UGGT2: variants seen among roughly 807,000 people sequenced by gnomAD.
The protein encoded by UGGT2 is UDP-glucose glycoprotein glucosyltransferase 2.
UGGT2 carries 180 observed loss-of-function variants against 192.1 expected under a neutral mutation model. The observed-to-expected ratio is 0.94, with a 90% confidence interval of 0.83 to 1.06. UGGT2 has a LOEUF of 1.06. UGGT2 is among the 50% of genes least tolerant of loss of function. UGGT2 has a pLI of 0.00. For synonymous variants in UGGT2, 580 were observed against 591.0 expected, an observed-to-expected ratio of 0.98 and a Z score of 0.27; for missense variants, 1,849 against 1,795.7, an observed-to-expected ratio of 1.03 and a Z score of -0.54.
At chr13:95,918,799 T>TTTC (rs2048756997) in intron 20 of UGGT2, among the ~76,000 whole-genome samples, 1 of 152,100 alleles carries the variant, frequency 6.6e-6, no homozygotes, top group East Asian at 1.9e-4. Flanking sequence ...AGAGGTACAA[T>TTTC]GAAGAGCTGG....
At chr13:96,025,662 C>G (rs968261637) in intron 2 of UGGT2, among the ~76,000 whole-genome samples, 1 of 152,060 alleles carries the variant, frequency 6.6e-6, no homozygotes, top group Non-Finnish European at 1.5e-5. Flanking sequence ...CCATCTGATT[C>G]CTGAAACTGT....
intron 12 of UGGT2, among the ~76,000 whole-genome samples, chr13:95,967,131 G>C (rs977200195): frequency 1.3e-5 from 2 of 149,124 alleles, no homozygotes; most frequent in South Asian, 4.2e-4. Flanking sequence ...ACTATGTATC[G>C]TTATAAGGGC....
chr13:95,808,097 T>C (rs1037753410), intron 38 of UGGT2, among the ~76,000 whole-genome samples: 4 of 152,080 alleles, frequency 2.6e-5, no homozygotes, highest in Non-Finnish European at 4.4e-5. Context: ...CCAGAGAGCA[T>C]TGCCCAATAT....
chr13:95,802,542 C>T (rs1423750030), intron 38 of UGGT2, among the ~76,000 whole-genome samples: 2 of 152,104 alleles, frequency 1.3e-5, no homozygotes, highest in African/African-American at 4.8e-5. Flanking sequence ...CTTGTTGGGG[C>T]AAAGTTACCA....
intron 38 of UGGT2, among the ~76,000 whole-genome samples, chr13:95,815,493 A>T (rs559488843): frequency 6.6e-6 from 1 of 152,352 alleles, no homozygotes; most frequent in East Asian, 1.9e-4. Context: ...ATTAGCATTC[A>T]GTTATAAAAT....
At chr13:95,995,978 A>C (rs2051605263) in intron 7 of UGGT2, 85 bp downstream of exon 7, 3 of 1,142,888 alleles carry the variant, frequency 2.6e-6, no homozygotes, top group South Asian at 2.6e-5. Context: ...AGAAAGGTGA[A>C]GCATATGGCA....
At chr13:95,863,456 C>T (rs1470945296) in intron 31 of UGGT2, 173 bp downstream of exon 31, 1 of 563,554 alleles carries the variant, frequency 1.8e-6, no homozygotes, top group African/African-American at 1.9e-5. Context: ...TTTCATCTGT[C>T]TTATAGCTCT....
At chr13:96,002,149 T>C (rs1442913537) in intron 5 of UGGT2, among the ~76,000 whole-genome samples, 1 of 152,196 alleles carries the variant, frequency 6.6e-6, no homozygotes, top group Non-Finnish European at 1.5e-5. Context: ...ACTGTACTTG[T>C]ATCTCCCACT....
At chr13:96,004,244 G>T (rs2051899954) in intron 5 of UGGT2, among the ~76,000 whole-genome samples, 1 of 151,596 alleles carries the variant, frequency 6.6e-6, no homozygotes, top group Non-Finnish European at 1.5e-5. Flanking sequence ...CAGAAAAGTT[G>T]CACATATTTA....
At chr13:95,808,271 G>A (rs1041956849) in intron 38 of UGGT2, among the ~76,000 whole-genome samples, 4 of 152,136 alleles carry the variant, frequency 2.6e-5, no homozygotes, top group Non-Finnish European at 4.4e-5. Flanking sequence ...TTCAAGGCTT[G>A]GGGGTTAGCA....
intron 4 of UGGT2, 82 bp downstream of exon 4, chr13:96,022,957 AT>A (rs1335325738): frequency 5.9e-5 from 55 of 924,598 alleles, no homozygotes; most frequent in South Asian, 7.0e-5. Flanking sequence ...AGAATATTAA[AT>A]TTTTTTTATT....
intron 2 of UGGT2, among the ~76,000 whole-genome samples, chr13:96,031,153 G>A (rs779030949): frequency 6.6e-6 from 1 of 152,076 alleles, no homozygotes; most frequent in Non-Finnish European, 1.5e-5. Context: ...TAGGGGAAGG[G>A]GGAATATGGG....
At position 95,914,612 on chromosome 13, in the gene UGGT2, T is replaced by TAAAAAA. The variant is rs146990164; in HGVS notation, c.2295+11062_2295+11067dup. On this transcript the variant is annotated intron_variant, in intron 20 of 38. Coordinates refer to ENST00000376747, the MANE Select transcript of UGGT2 (RefSeq NM_020121.4). ...CATTATGGTGAAACTCCATCTCTACTAAAAAAAAAAAAAAAAAAAAAAAAA... is the reference window on the plus strand; with the variant it reads ...CATTATGGTGAAACTCCATCTCTACTAAAAAAAAAAAAAAAAAAAAAAAAAAAAAAA... 1.1e-3 allele frequency among the ~76,000 whole-genome samples: 87 copies of TAAAAAA among 80,984 alleles called. 4 individuals are homozygous for TAAAAAA. Among genetic ancestry groups the TAAAAAA allele is most frequent in the African/African-American group, 3.1e-3 (62 of 19,966 alleles). The allele number at this position is 80,984 out of a possible 152,430, so 53.1% of individuals were successfully genotyped here. A position where few individuals can be genotyped will look rare whatever the true frequency, so the allele number is the denominator to read the frequency against.
chr13:95,959,668 C>T (rs534211492), intron 12 of UGGT2, among the ~76,000 whole-genome samples: 1 of 152,222 alleles, frequency 6.6e-6, no homozygotes, highest in Non-Finnish European at 1.5e-5. Flanking sequence ...ACTGCCAACA[C>T]TGGCATGGAC....
At chr13:95,926,204 A>G (rs1011518918) in intron 19 of UGGT2, among the ~76,000 whole-genome samples, 1 of 152,160 alleles carries the variant, frequency 6.6e-6, no homozygotes, top group African/African-American at 2.4e-5. Context: ...AGACTCCTTT[A>G]TGAACATAAA....
intron 5 of UGGT2, among the ~76,000 whole-genome samples, chr13:96,006,716 GAGAA>G (rs2051992594): frequency 1.3e-5 from 2 of 150,770 alleles, no homozygotes; most frequent in South Asian, 4.2e-4. Flanking sequence ...AAATGTAGTA[GAGAA>G]AGAAAGGAAA....
rs141959858 is a variant in UGGT2 at position 96,013,462 on chromosome 13, T to C, written c.505A>G (p.Lys169Glu). 3 of 1,584,154 alleles carry C rather than the reference T, an allele frequency of 1.9e-6. No individual in the cohort carries two copies. Among genetic ancestry groups the C allele is most frequent in the Non-Finnish European group, 2.6e-6 (3 of 1,169,844 alleles). ...TTTGTAGGAAATTTGTGATCTCCTT[T>C]AAATAGATAAGGTCTAGTCCTAAGA... ...AASRTRPYLF[K>E]GDHKFPTNKE... Residue 169 changes from lysine to glutamate, a missense_variant, in exon 5 of 39, where the codon AAA becomes GAA. Lys to Glu is a moderately conservative substitution (Grantham distance 56). Transcript: ENST00000376747.
chr13:95,959,991 C>A (rs1294222473), intron 12 of UGGT2, among the ~76,000 whole-genome samples: 2 of 152,190 alleles, frequency 1.3e-5, no homozygotes, highest in Non-Finnish European at 2.9e-5. Flanking sequence ...AACAGAGACA[C>A]CACTGATGCT....
At chr13:96,031,847 A>C (rs2052844978) in intron 2 of UGGT2, 42 bp downstream of exon 2, 1 of 1,449,382 alleles carries the variant, frequency 6.9e-7, no homozygotes, top group Non-Finnish European at 9.6e-7. Flanking sequence ...ATGTGTGTAC[A>C]TAAATACAAA....
Sources: gnomAD v4.1 joint callset for allele counts (sites outside exome capture counted in the v4.1 genomes callset) on GRCh38, gnomAD v4.1.1 for gene constraint, MANE v1.5 for transcripts, NCBI Gene and HGNC (gene_info 2026-07-23, HGNC 2026-07-21) for gene names.